TENM2: variants seen among roughly 807,000 people sequenced by gnomAD.
The protein encoded by TENM2 is teneurin transmembrane protein 2, also known as teneurin-2.
A neutral mutation model predicts 245.2 loss-of-function variants in TENM2; 52 were observed. The observed-to-expected ratio is 0.21, with a 90% CI of 0.17 to 0.27. TENM2 has a LOEUF of 0.27. Ranked by LOEUF, TENM2 falls within the 10% of genes least tolerant of loss-of-function variation. The pLI is 1.00. For synonymous variants in TENM2, 1,363 were observed against 1,438.9 expected (o/e 0.95, Z 1.19); for missense variants, 3,046 against 3,666.8 (o/e 0.83, Z 4.37).
At chr5:167,658,394 G>T (rs369175740) in intron 2 of TENM2, among the ~76,000 whole-genome samples, 1 of 152,120 alleles carries the variant, frequency 6.6e-6, no homozygotes, top group South Asian at 2.1e-4. Context: ...TTTTAGTAGA[G>T]ATGGGGTTTC....
chr5:167,511,074 C>G (rs1468688772), intron 2 of TENM2, among the ~76,000 whole-genome samples: 1 of 152,130 alleles, frequency 6.6e-6, no homozygotes, highest in Non-Finnish European at 1.5e-5. Context: ...CCATTTATCC[C>G]ACATGTATTA....
intron 2 of TENM2, among the ~76,000 whole-genome samples, chr5:167,712,470 A>G (rs1261881904): frequency 6.6e-6 from 1 of 152,198 alleles, no homozygotes; most frequent in Admixed American, 6.5e-5. Flanking sequence ...CTGTCTGTCT[A>G]GTATGTAGCT....
At chr5:167,877,254 T>C (rs1471248527) in intron 3 of TENM2, among the ~76,000 whole-genome samples, 1 of 152,158 alleles carries the variant, frequency 6.6e-6, no homozygotes, top group Non-Finnish European at 1.5e-5. Flanking sequence ...ACCACTGGCC[T>C]CAACCTCTAC....
intron 3 of TENM2, among the ~76,000 whole-genome samples, chr5:167,929,567 G>T (rs1778124203): frequency 6.6e-6 from 1 of 152,132 alleles, no homozygotes. Context: ...ATATTACCAT[G>T]TTATTAGCAT....
At chr5:167,843,375 A>G (rs538656236) in intron 2 of TENM2, among the ~76,000 whole-genome samples, 1 of 152,340 alleles carries the variant, frequency 6.6e-6, no homozygotes, top group East Asian at 1.9e-4. Context: ...TGTCTTACAT[A>G]TACATAGTAG....
At chr5:167,412,370 G>A (rs1273957803) in intron 2 of TENM2, among the ~76,000 whole-genome samples, 5 of 152,028 alleles carry the variant, frequency 3.3e-5, no homozygotes, top group Non-Finnish European at 4.4e-5. Flanking sequence ...TCAGAAACTA[G>A]GGTTAGCAGG....
exon 18 of TENM2, chr5:168,203,723 T>C: frequency 6.2e-7 from 1 of 1,612,980 alleles, no homozygotes. Flanking sequence ...CCTGTCCCAG[T>C]CTAATTCTCT....
At chr5:168,179,942 C>T (rs750608415) in intron 13 of TENM2, among the ~76,000 whole-genome samples, 80 of 152,300 alleles carry the variant, frequency 5.3e-4, no homozygotes, top group Non-Finnish European at 9.4e-4. Context: ...GTCTTGCTGA[C>T]GCCAGGATGT....
the TENM2 span, among the ~76,000 whole-genome samples, chr5:167,032,670 A>G: frequency 6.6e-6 from 1 of 152,214 alleles, no homozygotes; most frequent in Non-Finnish European, 1.5e-5. Context: ...TGCAATGAAA[A>G]TTGGAATTGG....
At chr5:167,431,712 C>T (rs1464079598) in intron 2 of TENM2, among the ~76,000 whole-genome samples, 3 of 151,784 alleles carry the variant, frequency 2.0e-5, no homozygotes, top group African/African-American at 7.3e-5. Flanking sequence ...TTAATCATAA[C>T]TTAGGAATGA....
intron 2 of TENM2, among the ~76,000 whole-genome samples, chr5:167,535,141 T>A (rs1051531119): frequency 6.6e-6 from 1 of 151,924 alleles, no homozygotes; most frequent in Non-Finnish European, 1.5e-5. Flanking sequence ...AAGATTCCAG[T>A]AAGATGTCCA....
At chr5:167,534,652 G>T (rs1393450062) in intron 2 of TENM2, among the ~76,000 whole-genome samples, 1 of 152,158 alleles carries the variant, frequency 6.6e-6, no homozygotes, top group Non-Finnish European at 1.5e-5. Context: ...CTGAGCAATG[G>T]AGTGACAAGA....
chr5:167,111,612 T>G, the TENM2 span, among the ~76,000 whole-genome samples: 1 of 152,192 alleles, frequency 6.6e-6, no homozygotes, highest in African/African-American at 2.4e-5. Flanking sequence ...TTAATGTTGT[T>G]TTTAATAAAA....
chr5:167,421,865 T>C (rs1249209017), intron 2 of TENM2, among the ~76,000 whole-genome samples: 1 of 152,172 alleles, frequency 6.6e-6, no homozygotes, highest in Non-Finnish European at 1.5e-5. Context: ...TGATCTTGGC[T>C]CACTGCAACC....
rs573664655 is a variant in TENM2 at position 167,823,450 on chromosome 5, C to G, written c.503-52536C>G. On this transcript the variant is annotated intron_variant, in intron 2 of 28. Coordinates refer to ENST00000518659, the Ensembl canonical transcript of TENM2. ...GTCTACAAACCCTTCCCCTCACCCC[C>G]CTGCCACCAAATTCTCCTTCTATTC... Among the ~76,000 whole-genome samples the G allele has an allele frequency of 1.4e-4, 21 of 152,278 alleles. No individual in the cohort carries two copies. The South Asian group carries it at 4.1e-3, about 30-fold the overall frequency.
intron 2 of TENM2, among the ~76,000 whole-genome samples, chr5:167,449,547 GAT>G (rs1765444820): frequency 6.6e-6 from 1 of 151,208 alleles, no homozygotes; most frequent in South Asian, 2.1e-4. Flanking sequence ...TAGATAGATA[GAT>G]AGATAGATAG....
At chr5:167,678,037 T>G (rs1756452123) in intron 2 of TENM2, among the ~76,000 whole-genome samples, 1 of 152,026 alleles carries the variant, frequency 6.6e-6, no homozygotes, top group Non-Finnish European at 1.5e-5. Flanking sequence ...TGTGGTATAT[T>G]GTAATTTAAA....
intron 2 of TENM2, among the ~76,000 whole-genome samples, chr5:167,710,919 C>T (rs1758868381): frequency 6.6e-6 from 1 of 152,130 alleles, no homozygotes; most frequent in Non-Finnish European, 1.5e-5. Context: ...CTAACTAAAG[C>T]AGAAATAGTA....
chr5:167,641,302 C>T (rs975936131), intron 2 of TENM2, among the ~76,000 whole-genome samples: 2 of 152,008 alleles, frequency 1.3e-5, no homozygotes, highest in Non-Finnish European at 2.9e-5. Flanking sequence ...AAATAAACCA[C>T]GGGGAGTAGT....
Sources: gnomAD v4.1 joint callset for allele counts (sites outside exome capture counted in the v4.1 genomes callset) on GRCh38, gnomAD v4.1.1 for gene constraint, MANE v1.5 for transcripts, NCBI Gene and HGNC (gene_info 2026-07-23, HGNC 2026-07-21) for gene names.